CLDN1: variants seen among roughly 807,000 people sequenced by gnomAD.
CLDN1 encodes the protein claudin 1.
In CLDN1, 12 loss-of-function variants were observed where a neutral mutation model predicts 22.6. That is an observed-to-expected ratio of 0.53 (90% CI 0.34 to 0.86). The LOEUF is 0.86. Among genes scored for constraint, CLDN1 ranks in the 40% least tolerant of loss-of-function variants. The pLI, the probability that CLDN1 is intolerant of heterozygous loss-of-function variation, is 0.02. For synonymous variants in CLDN1, 99 were observed against 103.8 expected, an observed-to-expected ratio of 0.95 and a Z score of 0.28; for missense variants, 250 against 269.5, an observed-to-expected ratio of 0.93 and a Z score of 0.51.
Position 190,307,924 on chromosome 3 carries a change from C to A in CLDN1, c.*353G>T. The A allele has an allele frequency of 5.5e-6, 1 of 182,368 alleles. No individual in the cohort carries two copies. Among genetic ancestry groups the A allele is most frequent in the Non-Finnish European group, 1.2e-5 (1 of 85,624 alleles). 11.3% of individuals were successfully genotyped at this position (182,368 alleles called of 1,614,324 possible). On this transcript the variant is annotated 3_prime_UTR_variant, in exon 4 of 4. Coordinates refer to ENST00000295522, the MANE Select transcript of CLDN1 (RefSeq NM_021101.5). Reference sequence around the variant, plus strand: ...GATATTTTAAGTATGCTAGTATCAACATAATGAGAATAGTATTTTACTGTC... The same window carrying A: ...GATATTTTAAGTATGCTAGTATCAAAATAATGAGAATAGTATTTTACTGTC...
At position 190,320,069 on chromosome 3, in the gene CLDN1, T is replaced by C. The variant is rs183342990; in HGVS notation, c.223+1915A>G. On this transcript the variant is annotated intron_variant, in intron 1 of 3. Coordinates refer to ENST00000295522, the MANE Select transcript of CLDN1 (RefSeq NM_021101.5). ...AAAATAGGAAGACATCTCTAAAGTG[T>C]GTGTGGGGGGGTAGGTATTTAGTCC... 7.7e-3 allele frequency among the ~76,000 whole-genome samples: 1,132 copies of C among 146,948 alleles called. 8 individuals are homozygous for C. The highest frequency in any genetic ancestry group is 0.028 in the African/African-American group (1,072 of 38,666).
intron 1 of CLDN1, among the ~76,000 whole-genome samples, chr3:190,319,592 C>T (rs146171369): frequency 0.01 from 1,583 of 152,254 alleles, 36 homozygotes; most frequent in Non-Finnish European, 0.01. Flanking sequence ...TAATACTTCC[C>T]GTGCTAAAGC....
At chr3:190,320,073 T>TGG (rs3836453) in intron 1 of CLDN1, among the ~76,000 whole-genome samples, 110 of 151,942 alleles carry the variant, frequency 7.2e-4, no homozygotes, top group East Asian at 4.5e-3. Flanking sequence ...AAAGTGTGTG[T>TGG]GGGGGGGTAG....
At chr3:190,320,173 G>A (rs968463010) in intron 1 of CLDN1, among the ~76,000 whole-genome samples, 1 of 152,222 alleles carries the variant, frequency 6.6e-6, no homozygotes, top group Non-Finnish European at 1.5e-5. Flanking sequence ...ATTATCATGT[G>A]TAAGGATGAT....
chr3:190,321,091 G>A (rs1431115692), intron 1 of CLDN1, among the ~76,000 whole-genome samples: 1 of 152,072 alleles, frequency 6.6e-6, no homozygotes, highest in Non-Finnish European at 1.5e-5. Context: ...TTTCTTTGTG[G>A]AAGATGGAAA....
At chr3:190,321,064 C>A (rs1343616521) in intron 1 of CLDN1, among the ~76,000 whole-genome samples, 1 of 152,156 alleles carries the variant, frequency 6.6e-6, no homozygotes, top group African/African-American at 2.4e-5. Flanking sequence ...GGTCACTGAA[C>A]ATCCATTACA....
intron 2 of CLDN1, among the ~76,000 whole-genome samples, chr3:190,312,388 G>A (rs1482485535): frequency 6.6e-6 from 1 of 151,852 alleles, no homozygotes; most frequent in Non-Finnish European, 1.5e-5. Context: ...TGATCTACAG[G>A]CACATCCTGT....
rs1716758195 is a variant in CLDN1, at chr3:190,316,031, T to C, written c.224-2995A>G. 4.6e-5 allele frequency among the ~76,000 whole-genome samples: 7 copies of C among 152,352 alleles called. No homozygotes were observed. In the South Asian group the frequency reaches 1.5e-3, roughly 32 times the overall value. On this transcript the variant is annotated intron_variant, in intron 1 of 3. Coordinates refer to ENST00000295522, the MANE Select transcript of CLDN1 (RefSeq NM_021101.5). Reference sequence around the variant, plus strand: ...ACACATTTGATTCGTGTCAAATCTATCTTGCCACTTCATCTACAAAGTGTT... The same window carrying C: ...ACACATTTGATTCGTGTCAAATCTACCTTGCCACTTCATCTACAAAGTGTT...
intron 1 of CLDN1, among the ~76,000 whole-genome samples, chr3:190,318,036 C>A (rs3774023): frequency 0.065 from 9,900 of 152,282 alleles, 429 homozygotes; most frequent in East Asian, 0.15. Context: ...GAAGTGTACT[C>A]CCCTGGCTTT....
Position 190,322,257 on chromosome 3 carries a change from G to C in CLDN1, c.-51C>G, listed in dbSNP as rs1198668060. Reference sequence around the variant, plus strand: ...TCAGGGGTGGCAGGTGCAGAAGGCGGAGAGTTTGCAGGTGGGCAACCCGGA... The same window carrying C: ...TCAGGGGTGGCAGGTGCAGAAGGCGCAGAGTTTGCAGGTGGGCAACCCGGA... On this transcript the variant is annotated 5_prime_UTR_variant, in exon 1 of 4. Coordinates refer to ENST00000295522, the MANE Select transcript of CLDN1 (RefSeq NM_021101.5). The C allele has an allele frequency of 6.4e-7, 1 of 1,565,076 alleles. No individual in the cohort carries two copies. The highest frequency in any genetic ancestry group is 1.4e-5 in the African/African-American group (1 of 73,938).
rs1716508154 is a variant in CLDN1, at chr3:190,308,121, G to C, written c.*156C>G. 2.3e-6 allele frequency: 2 copies of C among 859,962 alleles called. No individual in the cohort carries two copies. Among genetic ancestry groups the C allele is most frequent in the Non-Finnish European group, 1.9e-6 (1 of 526,404 alleles). 53.3% of individuals were successfully genotyped at this position (859,962 alleles called of 1,614,324 possible). ...AAGATTAAGCCATGTTTAGCACTGAGTATTTTAACACATGGGTTTTTTGTT... is the reference window on the plus strand; with the variant it reads ...AAGATTAAGCCATGTTTAGCACTGACTATTTTAACACATGGGTTTTTTGTT... On this transcript the variant is annotated 3_prime_UTR_variant, in exon 4 of 4. Transcript: ENST00000295522.
intron 1 of CLDN1, among the ~76,000 whole-genome samples, chr3:190,319,589 T>C (rs1380980787): frequency 1.3e-5 from 2 of 152,146 alleles, no homozygotes; most frequent in Non-Finnish European, 2.9e-5. Context: ...TTTTAATACT[T>C]CCCGTGCTAA....
Position 190,307,588 on chromosome 3 carries a change from T to C in CLDN1, c.*689A>G, listed in dbSNP as rs1716489595. ...CTTCTTGGCTTTAGAAACTAAAATGTAGGCTATGAAATGTGTTAGATTCAG... is the reference window on the plus strand; with the variant it reads ...CTTCTTGGCTTTAGAAACTAAAATGCAGGCTATGAAATGTGTTAGATTCAG... On this transcript the variant is annotated 3_prime_UTR_variant, in exon 4 of 4. Coordinates refer to ENST00000295522, the MANE Select transcript of CLDN1 (RefSeq NM_021101.5). The C allele has an allele frequency of 6.6e-6, 1 of 152,144 alleles. No individual in the cohort carries two copies. The highest frequency in any genetic ancestry group is 1.5e-5 in the Non-Finnish European group (1 of 68,032). The allele number at this position is 152,144 out of a possible 1,614,324, so 9.4% of individuals were successfully genotyped here.
At chr3:190,320,558 A>G (rs1716891866) in intron 1 of CLDN1, among the ~76,000 whole-genome samples, 1 of 152,376 alleles carries the variant, frequency 6.6e-6, no homozygotes. Flanking sequence ...AGCTGAAATA[A>G]TAACACTCAA....
intron 2 of CLDN1, among the ~76,000 whole-genome samples, chr3:190,310,859 C>T (rs527411794): frequency 5.7e-4 from 86 of 152,166 alleles, no homozygotes; most frequent in African/African-American, 2.0e-3. Context: ...TTTATGCAAC[C>T]CAATCTCAAT....
intron 1 of CLDN1, chr3:190,313,284 A>T (rs914174098): frequency 6.0e-6 from 3 of 500,026 alleles, no homozygotes; most frequent in African/African-American, 5.8e-5. Context: ...CCAACATTAA[A>T]TTCAAAATCA....
chr3:190,311,075 A>G (rs1252633524), intron 2 of CLDN1, among the ~76,000 whole-genome samples: 2 of 152,172 alleles, frequency 1.3e-5, no homozygotes, highest in Non-Finnish European at 2.9e-5. Context: ...ACATGGTCCA[A>G]TGTAATTGCC....
At chr3:190,310,297 C>G in intron 2 of CLDN1, 44 bp from the exon 3 acceptor site, 1 of 1,483,418 alleles carries the variant, frequency 6.7e-7, no homozygotes, top group South Asian at 1.1e-5. Flanking sequence ...CCATGGAACA[C>G]TGAGCCTAAA....
At chr3:190,311,704 T>C (rs1391426322) in intron 2 of CLDN1, among the ~76,000 whole-genome samples, 1 of 150,994 alleles carries the variant, frequency 6.6e-6, no homozygotes, top group Non-Finnish European at 1.5e-5. Context: ...CTGTATAATT[T>C]ATATGGAGAT....
Sources: gnomAD v4.1 joint callset for allele counts (sites outside exome capture counted in the v4.1 genomes callset) on GRCh38, gnomAD v4.1.1 for gene constraint, MANE v1.5 for transcripts, NCBI Gene and HGNC (gene_info 2026-07-23, HGNC 2026-07-21) for gene names.